The following KIAA0040 variants were observed in gnomAD, a reference collection of about 807,000 sequenced individuals.
KIAA0040 encodes KIAA0040, also known as uncharacterized protein KIAA0040.
KIAA0040 carries 10 observed loss-of-function variants against 7.2 expected under a neutral mutation model. The observed-to-expected ratio is 1.38, with a 90% CI of 0.85 to 2.34. KIAA0040 has a LOEUF of 2.34. Among genes scored for constraint, KIAA0040 ranks in the 30% most tolerant of loss-of-function variants. The pLI is 0.00. For synonymous variants in KIAA0040, 49 were observed against 40.1 expected (o/e 1.22, Z -0.84); for missense variants, 89 against 108.2 (o/e 0.82, Z 0.79).
rs139009818 is a variant in KIAA0040 at position 175,189,488 on chromosome 1, TGAC to T, written c.-384+3149_-384+3151del. Among the ~76,000 whole-genome samples the T allele has an allele frequency of 9.0e-3, 1,364 of 152,276 alleles. 12 individuals carry two copies. The highest frequency in any genetic ancestry group is 0.012 in the Non-Finnish European group (810 of 68,018). ...ACCTGCACAAGCAATAGCAGAGCAT[TGAC>T]TTCTTTGGGCTCTGACCATTTTAGC... On this transcript the variant is annotated intron_variant, in intron 1 of 3. Transcript: ENST00000423313.
At chr1:175,187,479 G>T (rs1439248144) in intron 1 of KIAA0040, among the ~76,000 whole-genome samples, 1 of 152,172 alleles carries the variant, frequency 6.6e-6, no homozygotes, top group African/African-American at 2.4e-5. Flanking sequence ...TTTGGCCCAT[G>T]GGGCTGCAGA....
chr1:175,163,575 T>C (rs1221859392), intron 3 of KIAA0040, among the ~76,000 whole-genome samples: 1 of 152,204 alleles, frequency 6.6e-6, no homozygotes, highest in East Asian at 1.9e-4. Context: ...CCGGTGATGC[T>C]GTATCTCAGG....
intron 3 of KIAA0040, among the ~76,000 whole-genome samples, chr1:175,163,153 C>T (rs1676619310): frequency 6.6e-6 from 1 of 152,182 alleles, no homozygotes; most frequent in African/African-American, 2.4e-5. Context: ...TCTGTGGCCT[C>T]CTATTCCTTT....
chr1:175,171,305 C>T (rs1676984146), intron 2 of KIAA0040, among the ~76,000 whole-genome samples: 1 of 152,164 alleles, frequency 6.6e-6, no homozygotes, highest in Non-Finnish European at 1.5e-5. Context: ...CTGGTTTCCA[C>T]CTTTACTGCC....
chr1:175,183,243 C>A (rs1223901130), intron 1 of KIAA0040, among the ~76,000 whole-genome samples: 3 of 152,222 alleles, frequency 2.0e-5, no homozygotes. Flanking sequence ...TATTACAGAG[C>A]TTTCTCCTCT....
intron 1 of KIAA0040, among the ~76,000 whole-genome samples, chr1:175,183,810 C>G (rs922823767): frequency 3.3e-5 from 5 of 152,192 alleles, no homozygotes; most frequent in Non-Finnish European, 7.4e-5. Flanking sequence ...GCGGGGCTTG[C>G]AGCTAGGTGC....
intron 2 of KIAA0040, among the ~76,000 whole-genome samples, chr1:175,174,451 G>A (rs930835979): frequency 2.0e-5 from 3 of 152,236 alleles, no homozygotes; most frequent in Admixed American, 6.5e-5. Flanking sequence ...TTTGACCTTG[G>A]GCAAAATCAG....
At chr1:175,188,359 C>A (rs1677744410) in intron 1 of KIAA0040, among the ~76,000 whole-genome samples, 1 of 152,184 alleles carries the variant, frequency 6.6e-6, no homozygotes, top group Admixed American at 6.5e-5. Flanking sequence ...AGCTAGAAAC[C>A]TGGCCTGGGC....
intron 1 of KIAA0040, among the ~76,000 whole-genome samples, chr1:175,191,511 G>A (rs1677864989): frequency 6.6e-6 from 1 of 152,218 alleles, no homozygotes; most frequent in Non-Finnish European, 1.5e-5. Context: ...CCCAGCACTG[G>A]GTGAAGGGCA....
intron 2 of KIAA0040, among the ~76,000 whole-genome samples, chr1:175,168,847 G>A (rs1254981953): frequency 6.6e-5 from 10 of 152,214 alleles, no homozygotes; most frequent in South Asian, 2.1e-4. Flanking sequence ...TTACGTCTCT[G>A]TGGGGCTATG....
intron 1 of KIAA0040, among the ~76,000 whole-genome samples, chr1:175,181,171 A>T (rs1384389083): frequency 6.6e-6 from 1 of 151,388 alleles, no homozygotes; most frequent in African/African-American, 2.4e-5. Flanking sequence ...TCTTCAATTG[A>T]TATGATTTTA....
intron 1 of KIAA0040, among the ~76,000 whole-genome samples, chr1:175,189,178 G>A (rs1207991521): frequency 1.3e-5 from 2 of 152,150 alleles, no homozygotes; most frequent in Non-Finnish European, 2.9e-5. Flanking sequence ...CTGTTTACTT[G>A]AAGGTTTTTG....
In KIAA0040 at chr1:175,160,022, AG is replaced by A. The variant is rs1359584272; in HGVS notation, c.*691del. Reference sequence around the variant, plus strand: ...CATCTTGGCACAGGTGAGGGGTCAGAGGCACAGAAACTTGGTGTGTCTGTAT... The same window carrying A: ...CATCTTGGCACAGGTGAGGGGTCAGAGCACAGAAACTTGGTGTGTCTGTAT... On this transcript the variant is annotated 3_prime_UTR_variant, in exon 4 of 4. Coordinates refer to ENST00000423313, the MANE Select transcript of KIAA0040 (RefSeq NM_014656.3). 1.3e-5 allele frequency: 2 copies of A among 153,300 alleles called. No homozygotes were observed. The highest frequency in any genetic ancestry group is 2.9e-5 in the Non-Finnish European group (2 of 68,084). The allele number at this position is 153,300 out of a possible 1,614,324, so 9.5% of individuals were successfully genotyped here.
chr1:175,160,683 C>A lies in KIAA0040; in HGVS notation c.*31G>T, dbSNP rs1347691196. 45 of 1,517,970 alleles carry A rather than the reference C, an allele frequency of 3.0e-5. No homozygotes were observed. The highest frequency in any genetic ancestry group is 4.0e-5 in the Non-Finnish European group (45 of 1,133,654). 94.0% of individuals were successfully genotyped at this position (1,517,970 alleles called of 1,614,324 possible). A position where few individuals can be genotyped will look rare whatever the true frequency, so the allele number is the denominator to read the frequency against. On this transcript the variant is annotated 3_prime_UTR_variant, in exon 4 of 4. Coordinates refer to ENST00000423313, the MANE Select transcript of KIAA0040 (RefSeq NM_014656.3). ...GTGTGGTCAGAAGGAGGCTTAGCCC[C>A]AGAAAGGAAACACCTCTGCTTCCTG...
At chr1:175,165,218 C>G (rs1454564590) in intron 3 of KIAA0040, among the ~76,000 whole-genome samples, 1 of 152,150 alleles carries the variant, frequency 6.6e-6, no homozygotes, top group East Asian at 1.9e-4. Flanking sequence ...AAACAGTGAT[C>G]CCAGAGCCAG....
intron 3 of KIAA0040, among the ~76,000 whole-genome samples, chr1:175,163,540 G>A (rs981458209): frequency 6.6e-6 from 1 of 152,206 alleles, no homozygotes; most frequent in Non-Finnish European, 1.5e-5. Flanking sequence ...GTAGAGAAAA[G>A]CAGCCTTTGG....
chr1:175,172,994 G>C (rs1273231215), intron 2 of KIAA0040, among the ~76,000 whole-genome samples: 1 of 152,200 alleles, frequency 6.6e-6, no homozygotes, highest in Non-Finnish European at 1.5e-5. Flanking sequence ...TCTAATTAGA[G>C]TTTGATCAGC....
chr1:175,175,323 G>A (rs1279222842), intron 2 of KIAA0040, among the ~76,000 whole-genome samples: 2 of 151,558 alleles, frequency 1.3e-5, no homozygotes, highest in African/African-American at 2.4e-5. Context: ...AAACCACAAT[G>A]AGATACCATC....
chr1:175,162,611 T>C (rs756626861), intron 3 of KIAA0040, among the ~76,000 whole-genome samples: 1 of 152,224 alleles, frequency 6.6e-6, no homozygotes, highest in Non-Finnish European at 1.5e-5. Context: ...GAATTCAAGA[T>C]CAGCTCAGGC....
Sources: allele counts gnomAD v4.1 joint callset (sites outside exome capture counted in the v4.1 genomes callset), GRCh38; gene constraint gnomAD v4.1.1; transcripts MANE v1.5; gene names NCBI Gene and HGNC (gene_info 2026-07-23, HGNC 2026-07-21).